The following TENM2 variants were observed in gnomAD, a reference collection of about 807,000 sequenced individuals.
TENM2 encodes teneurin transmembrane protein 2.
TENM2 carries 52 observed loss-of-function variants against 245.2 expected under a neutral mutation model. The ratio of observed to expected loss-of-function variants is 0.21; its 90% CI spans 0.17 to 0.27. TENM2 has a LOEUF of 0.27. Ranked by LOEUF, TENM2 falls within the 10% of genes least tolerant of loss-of-function variation. The pLI is 1.00. For missense variants in TENM2, 3,046 were observed against 3,666.8 expected (o/e 0.83, Z 4.37); for synonymous variants, 1,363 against 1,438.9 (o/e 0.95, Z 1.19).
chr5:168,097,592 TTG>T lies in TENM2; in HGVS notation c.1712-425_1712-424del, dbSNP rs771706808. Reference sequence around the variant, plus strand: ...GGCATGCATCACCACGTCCAGCTAATTGTGTGTGTGCGTGTGTGTGTGTGTGT... The same window carrying T: ...GGCATGCATCACCACGTCCAGCTAATTGTGTGTGCGTGTGTGTGTGTGTGT... On this transcript the variant is annotated intron_variant, in intron 8 of 28. Transcript: ENST00000518659. 7.3e-4 allele frequency among the ~76,000 whole-genome samples: 77 copies of T among 105,510 alleles called. 1 individual carries two copies. The Middle Eastern group carries it at 0.016, about 22-fold the overall frequency. 69.2% of individuals were successfully genotyped at this position (105,510 alleles called of 152,430 possible). A position where few individuals can be genotyped will look rare whatever the true frequency, so the allele number is the denominator to read the frequency against.
At chr5:167,915,221 T>G (rs1776844630) in intron 3 of TENM2, among the ~76,000 whole-genome samples, 1 of 151,964 alleles carries the variant, frequency 6.6e-6, no homozygotes. Context: ...CAATGTCCAT[T>G]ACTGCAAAAA....
intron 8 of TENM2, among the ~76,000 whole-genome samples, chr5:168,097,576 C>T (rs1294729267): frequency 6.7e-6 from 1 of 149,334 alleles, no homozygotes; most frequent in African/African-American, 2.5e-5. Context: ...AGGCATGCAT[C>T]ACCACGTCCA....
chr5:167,801,353 T>A (rs1372575045), intron 2 of TENM2, among the ~76,000 whole-genome samples: 1 of 151,882 alleles, frequency 6.6e-6, no homozygotes, highest in Non-Finnish European at 1.5e-5. Flanking sequence ...AGCATATGCC[T>A]GGCAGAGTGT....
chr5:167,458,784 C>T (rs552856023), intron 2 of TENM2, among the ~76,000 whole-genome samples: 3 of 152,102 alleles, frequency 2.0e-5, no homozygotes, highest in Non-Finnish European at 2.9e-5. Context: ...TTATTATCCT[C>T]GATTCACTGA....
chr5:167,025,149 A>T, the TENM2 span, among the ~76,000 whole-genome samples: 1 of 152,236 alleles, frequency 6.6e-6, no homozygotes, highest in Admixed American at 6.5e-5. Flanking sequence ...GGCCACACTT[A>T]AAAAAGTAGA....
chr5:167,822,810 C>A (rs929060697), intron 2 of TENM2, among the ~76,000 whole-genome samples: 1 of 152,182 alleles, frequency 6.6e-6, no homozygotes, highest in Non-Finnish European at 1.5e-5. Flanking sequence ...GGCATTTAGG[C>A]AAATCGATTA....
intron 13 of TENM2, among the ~76,000 whole-genome samples, chr5:168,180,669 G>T (rs920288073): frequency 2.6e-5 from 4 of 152,200 alleles, no homozygotes; most frequent in African/African-American, 9.6e-5. Context: ...GCCAAGGCGG[G>T]TGAATCACCT....
At chr5:167,448,472 A>C (rs1019117358) in intron 2 of TENM2, among the ~76,000 whole-genome samples, 1 of 150,210 alleles carries the variant, frequency 6.7e-6, no homozygotes, top group Non-Finnish European at 1.5e-5. Context: ...TAACGGATGC[A>C]TTTTAAGATT....
chr5:168,115,959 C>T (rs747276558), intron 9 of TENM2, among the ~76,000 whole-genome samples: 7 of 152,126 alleles, frequency 4.6e-5, no homozygotes, highest in Non-Finnish European at 1.0e-4. Flanking sequence ...GCCTGCCATC[C>T]CAGACCTAGA....
At chr5:167,757,061 TTTATA>T (rs1166096355) in intron 2 of TENM2, among the ~76,000 whole-genome samples, 4 of 149,888 alleles carry the variant, frequency 2.7e-5, no homozygotes, top group African/African-American at 4.9e-5. Flanking sequence ...ATTTTTAAAT[TTTATA>T]TTATATTTTT....
At chr5:167,373,797 AGTG>A (rs1253851314) in intron 1 of TENM2, among the ~76,000 whole-genome samples, 6 of 152,188 alleles carry the variant, frequency 3.9e-5, no homozygotes, top group African/African-American at 1.2e-4. Context: ...CTCTTTGTAA[AGTG>A]GTGATGTCAA....
the TENM2 span, among the ~76,000 whole-genome samples, chr5:167,024,330 T>C: frequency 6.6e-6 from 1 of 152,328 alleles, no homozygotes; most frequent in Admixed American, 6.5e-5. Context: ...TAAATAGTTA[T>C]TGAAGTGCCC....
At position 167,391,622 on chromosome 5, in the gene TENM2, CAAAAAAAAAAAA is replaced by C. The variant is rs56202184; in HGVS notation, c.502+16163_502+16174del. On this transcript the variant is annotated intron_variant, in intron 2 of 28. Transcript: ENST00000518659. The stretch of plus-strand genomic sequence containing the variant: ...ACTGGGAAACAGAGCAAGACTTCAT[CAAAAAAAAAAAA>C]AAAAAAAAAAAAAGCACTCTCAAGG... 9.6e-3 allele frequency among the ~76,000 whole-genome samples: 515 copies of C among 53,520 alleles called. 14 individuals carry two copies. The East Asian group carries it at 0.17, about 18-fold the overall frequency. 35.1% of individuals were successfully genotyped at this position (53,520 alleles called of 152,430 possible).
the TENM2 span, among the ~76,000 whole-genome samples, chr5:166,981,808 T>G: frequency 5.4e-3 from 816 of 152,274 alleles, 6 homozygotes; most frequent in Non-Finnish European, 7.0e-3. Flanking sequence ...ACTTCTAGTT[T>G]CCTGGCAACT....
intron 2 of TENM2, among the ~76,000 whole-genome samples, chr5:167,419,750 C>T (rs1763381397): frequency 6.6e-6 from 1 of 152,204 alleles, no homozygotes; most frequent in Admixed American, 6.5e-5. Flanking sequence ...TATGCAACTT[C>T]TCTTCAGTAA....
At chr5:167,735,656 AT>A (rs1413047291) in intron 2 of TENM2, among the ~76,000 whole-genome samples, 2 of 152,086 alleles carry the variant, frequency 1.3e-5, no homozygotes, top group Non-Finnish European at 2.9e-5. Flanking sequence ...AAATACAAAA[AT>A]TAGCTGGGCA....
chr5:167,519,846 A>T (rs1239376438), intron 2 of TENM2, among the ~76,000 whole-genome samples: 1 of 152,178 alleles, frequency 6.6e-6, no homozygotes, highest in Non-Finnish European at 1.5e-5. Flanking sequence ...TCGGATTTAT[A>T]TTGGCACTCC....
At position 168,238,200 on chromosome 5, in the gene TENM2, AGG is replaced by A. The variant is rs1334452884; in HGVS notation, c.5521-6218_5521-6217del. The stretch of plus-strand genomic sequence containing the variant: ...GAGAGAGAGAGGGAGGGAGGGAGGG[AGG>A]GAGGGAGGGAGGGAGAGAGAAGAAA... On this transcript the variant is annotated intron_variant, in intron 25 of 28. Coordinates refer to ENST00000518659, the Ensembl canonical transcript of TENM2. Among the ~76,000 whole-genome samples the A allele has an allele frequency of 1.9e-3, 139 of 73,412 alleles. 17 individuals carry two copies. Among genetic ancestry groups the A allele is most frequent in the Non-Finnish European group, 2.6e-3 (88 of 34,314 alleles). 48.2% of individuals were successfully genotyped at this position (73,412 alleles called of 152,430 possible).
chr5:167,427,878 GGGAA>G (rs1470958118), intron 2 of TENM2, among the ~76,000 whole-genome samples: 3 of 138,694 alleles, frequency 2.2e-5, no homozygotes, highest in African/African-American at 6.0e-5. Context: ...AGGGAAGGAA[GGGAA>G]GGAAGGAAGG....
Sources: allele counts gnomAD v4.1 joint callset (sites outside exome capture counted in the v4.1 genomes callset), GRCh38; gene constraint gnomAD v4.1.1; transcripts MANE v1.5; gene names NCBI Gene and HGNC (gene_info 2026-07-23, HGNC 2026-07-21).